Variants in PCTP observed in about 807,000 individuals in gnomAD.
PCTP encodes the protein phosphatidylcholine transfer protein.
PCTP carries 27 observed loss-of-function variants against 31.0 expected under a neutral mutation model. The observed-to-expected ratio is 0.87, with a 90% CI of 0.64 to 1.20. The LOEUF is 1.20. PCTP is among the 50% of genes most tolerant of loss of function. The pLI, the probability that PCTP is intolerant of heterozygous loss-of-function variation, is 0.00. For synonymous variants in PCTP, 108 were observed against 101.2 expected (o/e 1.07, Z -0.40); for missense variants, 287 against 268.2 (o/e 1.07, Z -0.49).
At chr17:55,845,887 GGTGTGTGT>G (rs34179575), downstream of PCTP, among the ~76,000 whole-genome samples, 116 of 143,060 alleles carry the variant, frequency 8.1e-4, no homozygotes, top group Admixed American at 1.2e-3. Flanking sequence ...AGAGGGTTGG[GGTGTGTGT>G]GTGTGTGTGT....
rs924101311 is a variant in PCTP at position 55,756,693 on chromosome 17, C to CGT, written c.141+5462_141+5463dup. On this transcript the variant is annotated intron_variant, in intron 1 of 5. Transcript: ENST00000268896. ...TTTCATAATAAAACCGTTTTATACA[C>CGT]GTGTGTGTGTGTGTATTATGAATGT... 1.9e-4 allele frequency among the ~76,000 whole-genome samples: 28 copies of CGT among 147,196 alleles called. 1 individual carries two copies. The highest frequency in any genetic ancestry group is 8.0e-4 in the East Asian group (4 of 4,988).
the PCTP span, among the ~76,000 whole-genome samples, chr17:55,850,117 T>G: frequency 6.6e-6 from 1 of 152,104 alleles, no homozygotes; most frequent in African/African-American, 2.4e-5. Context: ...AAATGTAACC[T>G]TTAGTATCTT....
At position 55,808,017 on chromosome 17, in the gene PCTP, G is replaced by A. The variant is rs186388060; in HGVS notation, c.318-14744G>A. Among the ~76,000 whole-genome samples the A allele has an allele frequency of 9.0e-4, 137 of 152,232 alleles. 1 individual carries two copies. Among genetic ancestry groups the A allele is most frequent in the Non-Finnish European group, 1.6e-3 (106 of 68,014 alleles). The stretch of plus-strand genomic sequence containing the variant: ...GCTTTTAATAATGATGATAATGATG[G>A]TGGTGACTACAATTTAAATGCCTCC... On this transcript the variant is annotated intron_variant, in intron 3 of 3. Transcript: ENST00000572536.
chr17:55,824,171 A>C (rs988641440), downstream of PCTP, among the ~76,000 whole-genome samples: 2 of 152,102 alleles, frequency 1.3e-5, no homozygotes, highest in African/African-American at 4.8e-5. Flanking sequence ...TGTCTAATGC[A>C]CTAGTCCCAA....
downstream of PCTP, among the ~76,000 whole-genome samples, chr17:55,779,317 G>T (rs1322462012): frequency 2.0e-5 from 3 of 152,128 alleles, no homozygotes; most frequent in Non-Finnish European, 4.4e-5. Context: ...AATAAAAGGT[G>T]CTGTCAAAAA....
chr17:55,764,631 C>T (rs1025244955), intron 1 of PCTP, among the ~76,000 whole-genome samples: 1 of 152,178 alleles, frequency 6.6e-6, no homozygotes, highest in Admixed American at 6.5e-5. Context: ...CTTTCACATA[C>T]ATCTGAGATT....
chr17:55,763,918 G>A (rs1008051580), intron 1 of PCTP, among the ~76,000 whole-genome samples: 6 of 152,200 alleles, frequency 3.9e-5, no homozygotes, highest in Non-Finnish European at 8.8e-5. Flanking sequence ...AGTAGGAAAG[G>A]TGTTGCCGTG....
At chr17:55,822,948 G>A (rs1905283394) in exon 4 of PCTP, 6 of 591,694 alleles carry the variant, frequency 1.0e-5, no homozygotes, top group Non-Finnish European at 1.2e-5. Context: ...TTATCTCATT[G>A]TTTTTTCTCA....
intron 3 of PCTP, among the ~76,000 whole-genome samples, chr17:55,791,042 C>T (rs1226567706): frequency 1.3e-5 from 2 of 151,298 alleles, no homozygotes. Context: ...CTGAGAAAAA[C>T]AAGCAATGGG....
intron 3 of PCTP, among the ~76,000 whole-genome samples, chr17:55,819,162 C>T (rs1402263440): frequency 6.6e-6 from 1 of 152,008 alleles, no homozygotes; most frequent in Admixed American, 6.5e-5. Flanking sequence ...CTTCCCCAAC[C>T]TGCTAAAGGG....
At chr17:55,767,266 A>C in intron 1 of PCTP, 69 bp from the exon 2 acceptor site, 1 of 949,918 alleles carries the variant, frequency 1.1e-6, no homozygotes, top group Non-Finnish European at 1.6e-6. Flanking sequence ...CTTTAGTTTA[A>C]TTATGTGGAA....
At chr17:55,817,496 C>T (rs1598015046) in intron 3 of PCTP, among the ~76,000 whole-genome samples, 1 of 152,144 alleles carries the variant, frequency 6.6e-6, no homozygotes, top group Admixed American at 6.5e-5. Flanking sequence ...ACTGCAGATC[C>T]CTGGATGTGG....
chr17:55,756,412 A>G (rs1910018704), intron 1 of PCTP, among the ~76,000 whole-genome samples: 3 of 152,226 alleles, frequency 2.0e-5, no homozygotes, highest in Admixed American at 2.0e-4. Flanking sequence ...GAGTCCAGAA[A>G]GGCCCTCTGT....
At chr17:55,821,041 A>C (rs1462687534) in intron 3 of PCTP, among the ~76,000 whole-genome samples, 1 of 152,254 alleles carries the variant, frequency 6.6e-6, no homozygotes, top group Non-Finnish European at 1.5e-5. Flanking sequence ...TTCTACTCCT[A>C]AGTATAGATA....
intron 3 of PCTP, 63 bp downstream of exon 3, chr17:55,771,248 AGTCT>A: frequency 2.4e-6 from 3 of 1,260,266 alleles, no homozygotes; most frequent in Non-Finnish European, 3.5e-6. Flanking sequence ...CCTCAGCTGC[AGTCT>A]ATTGCAGAGA....
At chr17:55,813,683 T>C (rs1912825174) in intron 3 of PCTP, among the ~76,000 whole-genome samples, 1 of 152,222 alleles carries the variant, frequency 6.6e-6, no homozygotes, top group Non-Finnish European at 1.5e-5. Context: ...TCGTGCATCA[T>C]CTATTCTTAT....
chr17:55,845,465 G>T (rs1307299872), downstream of PCTP, among the ~76,000 whole-genome samples: 1 of 152,232 alleles, frequency 6.6e-6, no homozygotes, highest in East Asian at 1.9e-4. Context: ...GCGACTCTGC[G>T]GAGGGTTTCC....
At chr17:55,824,970 C>A (rs1359996249), downstream of PCTP, among the ~76,000 whole-genome samples, 1 of 152,052 alleles carries the variant, frequency 6.6e-6, no homozygotes, top group Admixed American at 6.6e-5. Context: ...AGAGAGGGAT[C>A]TGGGAGAAAA....
downstream of PCTP, among the ~76,000 whole-genome samples, chr17:55,779,650 T>G (rs114100032): frequency 2.1e-3 from 320 of 152,306 alleles, 1 homozygote; most frequent in African/African-American, 7.5e-3. Flanking sequence ...AGGAGTGACC[T>G]AAAAATATGT....
Sources: allele counts gnomAD v4.1 joint callset (sites outside exome capture counted in the v4.1 genomes callset), GRCh38; gene constraint gnomAD v4.1.1; transcripts MANE v1.5; gene names NCBI Gene and HGNC (gene_info 2026-07-23, HGNC 2026-07-21).